The following CHODL variants were observed in gnomAD, a reference collection of about 807,000 sequenced individuals.
CHODL encodes transmembrane protein MT75.
CHODL carries 29 observed loss-of-function variants against 34.5 expected under a neutral mutation model. The observed-to-expected ratio is 0.84, with a 90% CI of 0.63 to 1.15. CHODL has a LOEUF of 1.15. Among genes scored for constraint, CHODL ranks in the 50% most tolerant of loss-of-function variants. The probability of loss-of-function intolerance (pLI) is 0.00; values close to 1 mark genes in which losing one functional copy is unlikely to be tolerated. For synonymous variants in CHODL, 125 were observed against 116.1 expected, an observed-to-expected ratio of 1.08 and a Z score of -0.49; for missense variants, 332 against 332.5, an observed-to-expected ratio of 1.00 and a Z score of 0.01.
chr21:17,984,361 A>T (rs1400054911), intron 1 of CHODL, among the ~76,000 whole-genome samples: 1 of 152,012 alleles, frequency 6.6e-6, no homozygotes, highest in Non-Finnish European at 1.5e-5. Flanking sequence ...TATGATTCTG[A>T]TTTTAAATCC....
chr21:18,098,036 T>C (rs940337518), intron 2 of CHODL, among the ~76,000 whole-genome samples: 2 of 152,052 alleles, frequency 1.3e-5, no homozygotes, highest in African/African-American at 4.8e-5. Context: ...TAGACCCCTA[T>C]GTCTCACCAC....
At chr21:18,098,933 A>G (rs2065175625) in intron 2 of CHODL, among the ~76,000 whole-genome samples, 1 of 151,294 alleles carries the variant, frequency 6.6e-6, no homozygotes, top group Non-Finnish European at 1.5e-5. Context: ...AACAACATGG[A>G]TGGAACTGGA....
intron 2 of CHODL, among the ~76,000 whole-genome samples, chr21:18,070,053 TC>T (rs1164833632): frequency 1.0e-5 from 1 of 99,858 alleles, no homozygotes; most frequent in Non-Finnish European, 2.0e-5. Context: ...TCCTTTGCTT[TC>T]CTGTTTGTTC....
At position 18,266,335 on chromosome 21, in the gene CHODL, T is replaced by TAC. The variant is rs2074462091; in HGVS notation, c.*297_*298insAC. On this transcript the variant is annotated 3_prime_UTR_variant, in exon 6 of 6. Transcript: ENST00000299295. ...AGTTGTTATCAACACGTCGGGAGTA[T>TAC]GTGTGTTAGAAGCAATTCCTTTTAT... 1.4e-6 allele frequency: 1 copy of TAC among 719,926 alleles called. No individual in the cohort carries two copies. The highest frequency in any genetic ancestry group is 2.2e-6 in the Non-Finnish European group (1 of 462,958). 44.6% of individuals were successfully genotyped at this position (719,926 alleles called of 1,614,324 possible).
intron 2 of CHODL, among the ~76,000 whole-genome samples, chr21:18,102,541 C>A (rs1317727047): frequency 1.3e-5 from 2 of 152,120 alleles, no homozygotes; most frequent in Admixed American, 1.3e-4. Context: ...TTTATTCTTT[C>A]ACTTATTTTT....
Position 17,976,304 on chromosome 21 carries a change from T to C in CHODL, c.-144-51568T>C, listed in dbSNP as rs192326265. On this transcript the variant is annotated intron_variant, in intron 1 of 6. Transcript: ENST00000400127. Reference sequence around the variant, plus strand: ...AAAAAAAAAAAAAAAAAAAAGACATTGTTTCTTATTGTTTTTCAAGTTTCT... The same window carrying C: ...AAAAAAAAAAAAAAAAAAAAGACATCGTTTCTTATTGTTTTTCAAGTTTCT... 5.3e-3 allele frequency among the ~76,000 whole-genome samples: 757 copies of C among 143,942 alleles called. 9 individuals are homozygous for C. The highest frequency in any genetic ancestry group is 0.018 in the African/African-American group (719 of 39,484). The allele number at this position is 143,942 out of a possible 152,430, so 94.4% of individuals were successfully genotyped here.
chr21:17,936,541 A>G (rs2063320692), intron 1 of CHODL, among the ~76,000 whole-genome samples: 1 of 152,014 alleles, frequency 6.6e-6, no homozygotes, highest in Admixed American at 6.6e-5. Flanking sequence ...TAGTACTTAG[A>G]ATGTGAAACA....
chr21:17,935,904 T>C (rs2063315264), intron 1 of CHODL, among the ~76,000 whole-genome samples: 2 of 152,126 alleles, frequency 1.3e-5, no homozygotes, highest in Non-Finnish European at 1.5e-5. Context: ...TTGAAAGCAA[T>C]AAAAAGTGAT....
At chr21:18,118,821 A>G (rs75858467) in intron 2 of CHODL, among the ~76,000 whole-genome samples, 3,514 of 152,288 alleles carry the variant, frequency 0.023, 113 homozygotes, top group East Asian at 0.11. Context: ...CTTTAAATAC[A>G]AAAACTCATG....
chr21:17,985,470 A>G (rs2063746194), intron 1 of CHODL, among the ~76,000 whole-genome samples: 1 of 152,230 alleles, frequency 6.6e-6, no homozygotes, highest in South Asian at 2.1e-4. Flanking sequence ...TCATAGAGTC[A>G]CAAGGTCATG....
At chr21:17,920,524 T>A (rs1055304784) in intron 1 of CHODL, among the ~76,000 whole-genome samples, 2 of 152,178 alleles carry the variant, frequency 1.3e-5, no homozygotes, top group African/African-American at 2.4e-5. Flanking sequence ...GTTCCTCCCA[T>A]GACATATGAG....
At chr21:18,248,202 T>TC (rs2074167459) in intron 1 of CHODL, among the ~76,000 whole-genome samples, 1 of 151,792 alleles carries the variant, frequency 6.6e-6, no homozygotes. Flanking sequence ...AGGCCTCTCT[T>TC]CTTATCCTGT....
intron 1 of CHODL, among the ~76,000 whole-genome samples, chr21:17,924,763 A>G (rs775356476): frequency 1.1e-4 from 16 of 152,352 alleles, no homozygotes; most frequent in Middle Eastern, 3.4e-3. Context: ...GTAGAAATTA[A>G]TAAGTCTACA....
chr21:18,206,715 G>C (rs2073715645), intron 2 of CHODL, among the ~76,000 whole-genome samples: 1 of 150,826 alleles, frequency 6.6e-6, no homozygotes, highest in Admixed American at 6.6e-5. Flanking sequence ...TGGTTGTTTT[G>C]TGGTCTCCTC....
chr21:18,100,954 T>TGG (rs1019263928), intron 2 of CHODL, among the ~76,000 whole-genome samples: 1 of 152,030 alleles, frequency 6.6e-6, no homozygotes, highest in Non-Finnish European at 1.5e-5. Context: ...AGCAGTAAAT[T>TGG]GGGGGTATCA....
intron 2 of CHODL, among the ~76,000 whole-genome samples, chr21:18,204,535 A>G (rs1601144645): frequency 6.6e-6 from 1 of 152,144 alleles, no homozygotes; most frequent in Non-Finnish European, 1.5e-5. Context: ...TGAGTACTGC[A>G]GTTATCCGGG....
intron 2 of CHODL, among the ~76,000 whole-genome samples, chr21:18,141,432 C>G (rs2072801200): frequency 6.6e-6 from 1 of 151,842 alleles, no homozygotes; most frequent in African/African-American, 2.4e-5. Flanking sequence ...GAATGAACAG[C>G]AGTAGAGAAA....
chr21:18,188,109 AT>A (rs112703484), intron 2 of CHODL, among the ~76,000 whole-genome samples: 4,860 of 148,290 alleles, frequency 0.033, 241 homozygotes, highest in African/African-American at 0.11. Flanking sequence ...AAAATTGATC[AT>A]TTTTTTTTTC....
chr21:18,264,240 G>C (rs997788360), intron 5 of CHODL, among the ~76,000 whole-genome samples: 1 of 152,072 alleles, frequency 6.6e-6, no homozygotes, highest in Non-Finnish European at 1.5e-5. Flanking sequence ...CTGGGGCTGG[G>C]ATGGTCAGGG....
Sources: allele counts gnomAD v4.1 joint callset (sites outside exome capture counted in the v4.1 genomes callset), GRCh38; gene constraint gnomAD v4.1.1; transcripts MANE v1.5; gene names NCBI Gene and HGNC (gene_info 2026-07-23, HGNC 2026-07-21).